The following WDPCP variants were observed in gnomAD, a reference collection of about 807,000 sequenced individuals.
The protein encoded by WDPCP is WD repeat-containing and planar cell polarity effector protein fritz homolog.
Under a neutral mutation model 93.1 loss-of-function variants are expected in WDPCP, and 71 were observed. The ratio of observed to expected loss-of-function variants is 0.76; its 90% CI spans 0.63 to 0.93. WDPCP has a LOEUF of 0.93. Ranked by LOEUF, WDPCP falls within the 40% of genes least tolerant of loss-of-function variation. The pLI is 0.00. For missense variants in WDPCP, 844 were observed against 887.4 expected (o/e 0.95, Z 0.62); for synonymous variants, 315 against 315.0 (o/e 1.00, Z 0.00).
At chr2:63,644,785 T>G in intron 3 of WDPCP, among the ~76,000 whole-genome samples, 1 of 152,216 alleles carries the variant, frequency 6.6e-6, no homozygotes, top group East Asian at 1.9e-4. Context: ...GATTTTCCAA[T>G]TTATTGGCAT....
chr2:63,730,891 C>A (rs762518425), intron 2 of WDPCP, among the ~76,000 whole-genome samples: 3 of 151,874 alleles, frequency 2.0e-5, no homozygotes, highest in Non-Finnish European at 4.4e-5. Context: ...CTGGACTCAC[C>A]TTTTGCTGTT....
chr2:63,773,480 G>C (rs1475116224), intron 2 of WDPCP, among the ~76,000 whole-genome samples: 1 of 151,996 alleles, frequency 6.6e-6, no homozygotes, highest in Non-Finnish European at 1.5e-5. Context: ...GATTTCTGAG[G>C]TGCCAGTAGT....
chr2:63,169,535 A>T (rs947369070), intron 15 of WDPCP, among the ~76,000 whole-genome samples: 10 of 152,362 alleles, frequency 6.6e-5, no homozygotes, highest in African/African-American at 2.4e-4. Context: ...TATTTCAATG[A>T]TTAATTTAAA....
intron 2 of WDPCP, among the ~76,000 whole-genome samples, chr2:63,758,574 G>A (rs1424176860): frequency 1.3e-5 from 2 of 152,106 alleles, no homozygotes; most frequent in East Asian, 3.9e-4. Flanking sequence ...AAGTAGCTGG[G>A]ACTACAGGCA....
At chr2:63,582,611 C>T (rs937584540) in intron 1 of WDPCP, among the ~76,000 whole-genome samples, 1 of 151,938 alleles carries the variant, frequency 6.6e-6, no homozygotes, top group African/African-American at 2.4e-5. Context: ...ACTACACTTG[C>T]AAGGCACATC....
At chr2:63,276,896 C>CA (rs1240146267) in intron 13 of WDPCP, among the ~76,000 whole-genome samples, 2 of 151,970 alleles carry the variant, frequency 1.3e-5, no homozygotes, top group African/African-American at 4.8e-5. Flanking sequence ...AAATTTATCA[C>CA]AAAAAGATCA....
upstream of WDPCP, chr2:63,589,168 A>G: frequency 6.2e-7 from 1 of 1,610,716 alleles, no homozygotes; most frequent in Non-Finnish European, 8.5e-7. Flanking sequence ...GCCCTTTGGC[A>G]AGCTCGGACT....
At chr2:63,328,488 G>A (rs552227714) in intron 12 of WDPCP, among the ~76,000 whole-genome samples, 2 of 152,170 alleles carry the variant, frequency 1.3e-5, no homozygotes, top group South Asian at 4.2e-4. Flanking sequence ...TGGACGTGCC[G>A]CCTTTAAGAG....
At chr2:63,330,275 G>A (rs1031833375) in intron 12 of WDPCP, among the ~76,000 whole-genome samples, 2 of 152,090 alleles carry the variant, frequency 1.3e-5, no homozygotes, top group Non-Finnish European at 2.9e-5. Flanking sequence ...AGTAGGTATC[G>A]TAACAGATGT....
At chr2:63,293,492 A>C (rs1293639325) in intron 13 of WDPCP, among the ~76,000 whole-genome samples, 1 of 152,146 alleles carries the variant, frequency 6.6e-6, no homozygotes, top group Non-Finnish European at 1.5e-5. Flanking sequence ...TGAGGCATAT[A>C]ATGAAATAGG....
At chr2:63,136,928 T>C (rs538637543) in intron 17 of WDPCP, among the ~76,000 whole-genome samples, 1 of 152,346 alleles carries the variant, frequency 6.6e-6, no homozygotes, top group East Asian at 1.9e-4. Flanking sequence ...CCATGGTATA[T>C]ATGTACCACA....
chr2:63,262,142 T>A (rs1681684395), intron 13 of WDPCP, among the ~76,000 whole-genome samples: 1 of 152,204 alleles, frequency 6.6e-6, no homozygotes, highest in African/African-American at 2.4e-5. Context: ...TTACTTGGAC[T>A]GCCCTTGACT....
chr2:63,723,966 T>C (rs1250501872), intron 2 of WDPCP, among the ~76,000 whole-genome samples: 1 of 152,222 alleles, frequency 6.6e-6, no homozygotes, highest in African/African-American at 2.4e-5. Flanking sequence ...AAGAACTGCT[T>C]TCATACCCAT....
chr2:63,587,041 TTC>T (rs988520323), intron 1 of WDPCP, among the ~76,000 whole-genome samples: 1 of 152,234 alleles, frequency 6.6e-6, no homozygotes, highest in Non-Finnish European at 1.5e-5. Flanking sequence ...GGAAAAATCT[TTC>T]TGTTAGCAGC....
chr2:63,571,885 T>A (rs1389425390), intron 1 of WDPCP, among the ~76,000 whole-genome samples: 1 of 152,224 alleles, frequency 6.6e-6, no homozygotes, highest in African/African-American at 2.4e-5. Flanking sequence ...ATATATTTTA[T>A]ATATATTTTA....
At chr2:63,827,702 T>C (rs534311950) in exon 1 of WDPCP, 1 of 152,320 alleles carries the variant, frequency 6.6e-6, no homozygotes, top group Admixed American at 6.5e-5. Context: ...ACTCTGTCTC[T>C]TCATTCTCCA....
At chr2:63,411,879 G>A (rs958225520) in intron 9 of WDPCP, among the ~76,000 whole-genome samples, 3 of 151,894 alleles carry the variant, frequency 2.0e-5, no homozygotes, top group Non-Finnish European at 2.9e-5. Context: ...AGATTGAAAC[G>A]GTAATTTAAA....
At chr2:63,476,007 A>C (rs1384502992) in intron 6 of WDPCP, among the ~76,000 whole-genome samples, 4 of 152,090 alleles carry the variant, frequency 2.6e-5, no homozygotes, top group Non-Finnish European at 4.4e-5. Flanking sequence ...ACCTCTGGTC[A>C]CTTCACATGT....
chr2:63,204,580 G>C (rs1006966268), intron 14 of WDPCP, among the ~76,000 whole-genome samples: 1 of 152,088 alleles, frequency 6.6e-6, no homozygotes, highest in African/African-American at 2.4e-5. Flanking sequence ...GAACTCAGGT[G>C]ATCTGCCCGC....
Sources: allele counts gnomAD v4.1 joint callset (sites outside exome capture counted in the v4.1 genomes callset), GRCh38; gene constraint gnomAD v4.1.1; transcripts MANE v1.5; gene names NCBI Gene and HGNC (gene_info 2026-07-23, HGNC 2026-07-21).